The following MBD5 variants were observed in gnomAD, a reference collection of about 807,000 sequenced individuals.
MBD5 encodes methyl-CpG binding domain protein 5, also known as methyl-CpG-binding domain protein 5.
MBD5 carries 13 observed loss-of-function variants against 117.3 expected under a neutral mutation model. The ratio of observed to expected loss-of-function variants is 0.11; its 90% CI spans 0.07 to 0.18. MBD5 has a LOEUF of 0.18. Ranked by LOEUF, MBD5 falls within the 10% of genes least tolerant of loss-of-function variation. The pLI, the probability that MBD5 is intolerant of heterozygous loss-of-function variation, is 1.00. For missense variants in MBD5, 1,879 were observed against 2,093.8 expected (o/e 0.90, Z 2.00); for synonymous variants, 727 against 766.4 (o/e 0.95, Z 0.85).
At chr2:148,345,973 G>A (rs1703114340) in intron 4 of MBD5, 1 of 151,744 alleles carries the variant, frequency 6.6e-6, no homozygotes, top group African/African-American at 2.4e-5. Context: ...ATTAAGGGTG[G>A]ACGTGCCTTC....
At chr2:148,213,832 CAACT>C (rs1481133760) in intron 2 of MBD5, among the ~76,000 whole-genome samples, 2 of 91,194 alleles carry the variant, frequency 2.2e-5, no homozygotes, top group African/African-American at 5.7e-5. Context: ...TATATGTCAC[CAACT>C]GTTTTTTTTT....
chr2:148,087,620 A>C (rs1695829507), intron 1 of MBD5, among the ~76,000 whole-genome samples: 2 of 152,142 alleles, frequency 1.3e-5, no homozygotes, highest in Admixed American at 1.3e-4. Flanking sequence ...AGTGATAACA[A>C]TCACTGTAGT....
intron 8 of MBD5, among the ~76,000 whole-genome samples, chr2:148,473,567 T>C (rs1020963478): frequency 6.6e-5 from 10 of 152,118 alleles, no homozygotes; most frequent in Non-Finnish European, 1.5e-4. Flanking sequence ...AGATAAGAAA[T>C]AACTTTCTCT....
At chr2:148,174,187 A>G (rs774013367) in intron 1 of MBD5, among the ~76,000 whole-genome samples, 8 of 152,238 alleles carry the variant, frequency 5.3e-5, no homozygotes, top group Non-Finnish European at 8.8e-5. Flanking sequence ...AAAGATGTCA[A>G]CAATAAACAA....
chr2:148,461,732 A>G (rs1176015020), intron 5 of MBD5, among the ~76,000 whole-genome samples: 1 of 152,210 alleles, frequency 6.6e-6, no homozygotes, highest in Non-Finnish European at 1.5e-5. Context: ...ATCTCACATA[A>G]AATAACTCCC....
At chr2:148,228,253 T>C (rs1415574325) in intron 2 of MBD5, among the ~76,000 whole-genome samples, 3 of 152,222 alleles carry the variant, frequency 2.0e-5, no homozygotes, top group African/African-American at 7.2e-5. Flanking sequence ...GGGTTTGTCA[T>C]AGATGGCTCT....
At chr2:148,040,910 C>T (rs1694337864) in intron 1 of MBD5, among the ~76,000 whole-genome samples, 1 of 151,924 alleles carries the variant, frequency 6.6e-6, no homozygotes, top group Non-Finnish European at 1.5e-5. Flanking sequence ...CAAAATAAGC[C>T]ACAAAAGCAC....
At chr2:148,148,948 T>C (rs561643796) in intron 1 of MBD5, among the ~76,000 whole-genome samples, 1 of 152,300 alleles carries the variant, frequency 6.6e-6, no homozygotes, top group East Asian at 1.9e-4. Context: ...TTATTTTATT[T>C]TTAATTATAC....
intron 1 of MBD5, among the ~76,000 whole-genome samples, chr2:148,090,253 T>G (rs538660491): frequency 4.0e-4 from 61 of 152,032 alleles, no homozygotes; most frequent in Non-Finnish European, 5.9e-4. Context: ...CTGAATTTTA[T>G]CAAGCATTCA....
intron 8 of MBD5, among the ~76,000 whole-genome samples, chr2:148,474,223 C>T (rs867934057): frequency 2.0e-5 from 3 of 152,272 alleles, no homozygotes; most frequent in Middle Eastern, 6.8e-3. Context: ...GCCTGGCAAA[C>T]TTCAAAATGC....
intron 3 of MBD5, among the ~76,000 whole-genome samples, chr2:148,271,463 G>A (rs984072433): frequency 3.9e-5 from 6 of 151,960 alleles, no homozygotes; most frequent in African/African-American, 1.2e-4. Context: ...CCATGTTTTC[G>A]TGCTCTCCTT....
At chr2:148,502,642 G>T in intron 12 of MBD5, 133 bp downstream of exon 12, 1 of 841,436 alleles carries the variant, frequency 1.2e-6, no homozygotes, top group Non-Finnish European at 2.0e-6. Flanking sequence ...TACCACCAAA[G>T]AGGACCATTA....
chr2:148,025,944 TATCTC>T (rs1444845608), intron 1 of MBD5: 1 of 152,240 alleles, frequency 6.6e-6, no homozygotes, highest in Non-Finnish European at 1.5e-5. Context: ...CAAAGAATCT[TATCTC>T]AGTTCCTGTC....
intron 1 of MBD5, among the ~76,000 whole-genome samples, chr2:148,149,773 T>A (rs1219477740): frequency 6.6e-6 from 1 of 152,088 alleles, no homozygotes; most frequent in Non-Finnish European, 1.5e-5. Flanking sequence ...CTTCACCCAC[T>A]TTTTGATGGG....
chr2:148,462,460 A>G, intron 5 of MBD5, 122 bp from the exon 6 acceptor site: 1 of 699,232 alleles, frequency 1.4e-6, no homozygotes, highest in South Asian at 1.6e-5. Flanking sequence ...TGACAAAGAA[A>G]ATGCTTTTCC....
chr2:148,201,474 ACT>A (rs1350175897), intron 2 of MBD5, among the ~76,000 whole-genome samples: 1 of 151,916 alleles, frequency 6.6e-6, no homozygotes, highest in East Asian at 1.9e-4. Context: ...CGCCTTAACA[ACT>A]CTGTCAGCCC....
At chr2:148,215,045 TA>T (rs1472325057) in intron 2 of MBD5, among the ~76,000 whole-genome samples, 6 of 152,212 alleles carry the variant, frequency 3.9e-5, no homozygotes, top group African/African-American at 1.4e-4. Context: ...ATATATCACT[TA>T]AAACTAGATA....
At chr2:148,433,934 T>TC (rs1706072895) in intron 4 of MBD5, among the ~76,000 whole-genome samples, 1 of 82,280 alleles carries the variant, frequency 1.2e-5, no homozygotes, top group South Asian at 3.1e-4. Context: ...TTCATTTTTC[T>TC]TTTTTTTTTT....
intron 3 of MBD5, among the ~76,000 whole-genome samples, chr2:148,243,037 C>G (rs2106202141): frequency 6.6e-6 from 1 of 152,186 alleles, no homozygotes; most frequent in East Asian, 1.9e-4. Flanking sequence ...CACATTTATG[C>G]CTTTTCAAAT....
Sources: allele counts gnomAD v4.1 joint callset (sites outside exome capture counted in the v4.1 genomes callset), GRCh38; gene constraint gnomAD v4.1.1; transcripts MANE v1.5; gene names NCBI Gene and HGNC (gene_info 2026-07-23, HGNC 2026-07-21).